The following CLPX variants were observed in gnomAD, a reference collection of about 807,000 sequenced individuals.
The protein encoded by CLPX is ATP-dependent clpX-like chaperone, mitochondrial.
A neutral mutation model predicts 76.4 loss-of-function variants in CLPX; 34 were observed. The ratio of observed to expected loss-of-function variants is 0.45; its 90% CI spans 0.34 to 0.59. The LOEUF is 0.59. Among genes scored for constraint, CLPX ranks in the 20% least tolerant of loss-of-function variants. CLPX has a pLI of 0.01. For missense variants in CLPX, 613 were observed against 757.0 expected (o/e 0.81, Z 2.23); for synonymous variants, 248 against 270.9 (o/e 0.92, Z 0.83).
In CLPX at chr15:65,153,642, A is replaced by G; in HGVS notation, c.1612-3T>C. 6.8e-7 allele frequency: 1 copy of G among 1,476,454 alleles called. No homozygotes were observed. The highest frequency in any genetic ancestry group is 9.2e-7 in the Non-Finnish European group (1 of 1,091,628). 91.5% of individuals were successfully genotyped at this position (1,476,454 alleles called of 1,614,324 possible). A position where few individuals can be genotyped will look rare whatever the true frequency, so the allele number is the denominator to read the frequency against. ...TCCTCAGTAACATTCAGTTCACACT[A>G]CAAATACATTAAAAATAAATTATAA... is the stretch of plus-strand genomic sequence containing the variant. On this transcript the variant is annotated splice_region_variant and splice_polypyrimidine_tract_variant and intron_variant, in intron 11 of 13. Coordinates refer to ENST00000300107, the MANE Select transcript of CLPX (RefSeq NM_006660.5).
rs140294580 is a variant in CLPX at position 65,172,296 on chromosome 15, A to G, written c.359-5511T>C. On this transcript the variant is annotated intron_variant, in intron 3 of 13. Coordinates refer to ENST00000300107, the MANE Select transcript of CLPX (RefSeq NM_006660.5). ...TTTACTCCAAAAACAAGGGGCAAAA[A>G]TCTAATTTTGTTAAGTTACCAGGAG... Among the ~76,000 whole-genome samples the G allele has an allele frequency of 2.6e-4, 39 of 152,304 alleles. No individual in the cohort carries two copies. In the East Asian group the frequency reaches 7.1e-3, roughly 28 times the overall value.
At chr15:65,155,123 A>G in intron 10 of CLPX, 42 bp from the exon 11 acceptor site, 1 of 1,504,810 alleles carries the variant, frequency 6.6e-7, no homozygotes, top group African/African-American at 1.4e-5. Context: ...GTAGAATCAA[A>G]TGATAGTGTA....
chr15:65,174,557 C>T (rs1370002113), intron 3 of CLPX, among the ~76,000 whole-genome samples: 1 of 152,186 alleles, frequency 6.6e-6, no homozygotes, highest in African/African-American at 2.4e-5. Context: ...GCCACCATGC[C>T]GGGCCACAAC....
rs1303196649 is a variant in CLPX, at chr15:65,166,741, C to CA, written c.402dup (p.Val135CysfsTer5). 1.9e-6 allele frequency: 3 copies of CA among 1,612,826 alleles called. No homozygotes were observed. The highest frequency in any genetic ancestry group is 2.5e-6 in the Non-Finnish European group (3 of 1,179,632). ...TTTGAGTCTGCTTCAGATAGCACAACAAAAAAATGATGACACTTTTCACAC... is the reference window on the plus strand; with the variant it reads ...TTTGAGTCTGCTTCAGATAGCACAACAAAAAAAATGATGACACTTTTCACAC... On this transcript the variant is annotated frameshift_variant, in exon 4 of 14. Transcript: ENST00000300107. LOFTEE classifies it high-confidence loss of function.
At chr15:65,179,519 T>C (rs2088135712) in intron 2 of CLPX, among the ~76,000 whole-genome samples, 1 of 152,206 alleles carries the variant, frequency 6.6e-6, no homozygotes, top group African/African-American at 2.4e-5. Flanking sequence ...GTCTAACATA[T>C]AAAATTAACT....
chr15:65,155,886 C>T, intron 9 of CLPX, 30 bp from the exon 10 acceptor site: 1 of 1,554,818 alleles, frequency 6.4e-7, no homozygotes, highest in Non-Finnish European at 8.9e-7. Flanking sequence ...TTTATAGCAT[C>T]ACCATATAAG....
chr15:65,167,286 G>A (rs769450083), intron 3 of CLPX, among the ~76,000 whole-genome samples: 3 of 152,064 alleles, frequency 2.0e-5, no homozygotes, highest in Non-Finnish European at 4.4e-5. Context: ...GGGCAGGATG[G>A]TCTTGATCTC....
rs76218387 is a variant in CLPX, at chr15:65,175,959, A to G, written c.358+2975T>C. Among the ~76,000 whole-genome samples, 874 of 152,326 alleles carry G rather than the reference A, an allele frequency of 5.7e-3. 5 individuals carry two copies. The highest frequency in any genetic ancestry group is 0.014 in the Middle Eastern group (4 of 294). On this transcript the variant is annotated intron_variant, in intron 3 of 13. Coordinates refer to ENST00000300107, the MANE Select transcript of CLPX (RefSeq NM_006660.5). ...CAGGGACAGTGTCATGATCATCTGCATATTTTCTGAGCCTAGTGATGTCTG... is the reference window on the plus strand; with the variant it reads ...CAGGGACAGTGTCATGATCATCTGCGTATTTTCTGAGCCTAGTGATGTCTG...
Position 65,176,024 on chromosome 15 carries a change from GCT to G in CLPX, c.358+2908_358+2909del, listed in dbSNP as rs202031380. On this transcript the variant is annotated intron_variant, in intron 3 of 13. Transcript: ENST00000300107. ...CTATTAATTTTGCACATAAGTGTGT[GCT>G]CTTTTTTTCATTCTTTCCTTCTACA... is the stretch of plus-strand genomic sequence containing the variant. 5.7e-3 allele frequency among the ~76,000 whole-genome samples: 873 copies of G among 152,298 alleles called. 5 individuals carry two copies. Among genetic ancestry groups the G allele is most frequent in the Middle Eastern group, 0.014 (4 of 294 alleles).
At chr15:65,160,623 TCA>T (rs375655324) in intron 6 of CLPX, among the ~76,000 whole-genome samples, 32,829 of 97,404 alleles carry the variant, frequency 0.34, 4,154 homozygotes, top group East Asian at 0.65. Context: ...TCTCTCTCTC[TCA>T]CACACACACA....
At chr15:65,183,759 C>G (rs1451718412) in intron 1 of CLPX, among the ~76,000 whole-genome samples, 1 of 152,172 alleles carries the variant, frequency 6.6e-6, no homozygotes, top group African/African-American at 2.4e-5. Context: ...CCACTGGAAA[C>G]TGTATTATTC....
intron 6 of CLPX, among the ~76,000 whole-genome samples, chr15:65,160,372 C>T (rs568958840): frequency 2.6e-5 from 4 of 152,190 alleles, no homozygotes; most frequent in Admixed American, 2.6e-4. Flanking sequence ...CAATGTTGTG[C>T]CTCATTATAA....
chr15:65,185,290 C>T lies in CLPX; in HGVS notation c.-137G>A, dbSNP rs2088244743. 6.1e-6 allele frequency: 4 copies of T among 660,370 alleles called. No homozygotes were observed. The highest frequency in any genetic ancestry group is 1.0e-5 in the Non-Finnish European group (4 of 383,184). The allele number at this position is 660,370 out of a possible 1,614,324, so 40.9% of individuals were successfully genotyped here. On this transcript the variant is annotated 5_prime_UTR_variant, in exon 1 of 14. Transcript: ENST00000300107. ...AGACCCCGTGGAGAGTTCACCTGCC[C>T]GGCAGCCAGGCCTTCACGCTTCTCT...
In CLPX at chr15:65,154,819, A is replaced by G; in HGVS notation, c.1574T>C (p.Val525Ala). The G allele has an allele frequency of 6.2e-7, 1 of 1,614,110 alleles. No homozygotes were observed. The highest frequency in any genetic ancestry group is 8.5e-7 in the Non-Finnish European group (1 of 1,179,930). ...GAATAAGGCCTGGTACTGAGGAATAACAGCATTTCGTGGCTCAGTTAATAT... is the reference window on the plus strand; with the variant it reads ...GAATAAGGCCTGGTACTGAGGAATAGCAGCATTTCGTGGCTCAGTTAATAT... ...VQILTEPRNA[V>A]IPQYQALFSM... is the part of the protein sequence containing the mutation. The change falls in exon 11 of 14, where the codon GTT (valine) becomes GCT (alanine). Residue 525 changes from valine to alanine, a missense_variant. Physicochemically the swap from Val to Ala is moderately conservative, Grantham distance 64 (BLOSUM62 0). Around this residue, in one of 2 missense-constraint regions of CLPX, gnomAD observed 450 missense variants for 638.6 expected, o/e 0.70. Transcript: ENST00000300107.
chr15:65,180,890 C>T lies in CLPX; in HGVS notation c.80-686G>A, dbSNP rs567597245. 7.4e-5 allele frequency among the ~76,000 whole-genome samples: 10 copies of T among 134,794 alleles called. No individual in the cohort carries two copies. The East Asian group carries it at 1.5e-3, about 21-fold the overall frequency. 88.4% of individuals were successfully genotyped at this position (134,794 alleles called of 152,430 possible). A position where few individuals can be genotyped will look rare whatever the true frequency, so the allele number is the denominator to read the frequency against. On this transcript the variant is annotated intron_variant, in intron 1 of 13. Coordinates refer to ENST00000300107, the MANE Select transcript of CLPX (RefSeq NM_006660.5). The stretch of plus-strand genomic sequence containing the variant: ...CCGCACTCCAGCCTGGGTGACATAG[C>T]GAGACTCCATCTCAAAAAAAAAAAA...
chr15:65,184,079 T>C (rs934480887), intron 1 of CLPX, among the ~76,000 whole-genome samples: 1 of 152,222 alleles, frequency 6.6e-6, no homozygotes, highest in African/African-American at 2.4e-5. Flanking sequence ...AACTGGAAGA[T>C]ATATTTAGTA....
intron 3 of CLPX, among the ~76,000 whole-genome samples, chr15:65,169,428 T>C (rs971254375): frequency 2.0e-5 from 3 of 152,054 alleles, no homozygotes; most frequent in African/African-American, 7.2e-5. Context: ...AACATGGTTA[T>C]AGGATGTTGG....
chr15:65,155,830 T>C lies in CLPX; in HGVS notation c.1173A>G (p.Thr391=). The change falls in exon 10 of 14, where the codon ACA becomes ACG. Residue 391 remains threonine, a synonymous_variant. Transcript: ENST00000300107. ...AATTCTTTTCTGGAACATTGACTAT[T>C]GTGCCTTCTAGTAGTTTTAATAAGC... ...QQGLLKLLEG[T]IVNVPEKNSR... The C allele has an allele frequency of 6.2e-7, 1 of 1,613,962 alleles. No individual in the cohort carries two copies. The highest frequency in any genetic ancestry group is 8.5e-7 in the Non-Finnish European group (1 of 1,179,842).
At chr15:65,155,503 C>G (rs879324440) in intron 10 of CLPX, among the ~76,000 whole-genome samples, 189 bp downstream of exon 10, 7 of 152,196 alleles carry the variant, frequency 4.6e-5, no homozygotes, top group African/African-American at 1.7e-4. Context: ...CCACCTTGGC[C>G]TCCCAAAGAA....
Sources: allele counts gnomAD v4.1 joint callset (sites outside exome capture counted in the v4.1 genomes callset), GRCh38; gene constraint gnomAD v4.1.1; regional missense constraint gnomAD v4.1.1; transcripts MANE v1.5; gene names NCBI Gene and HGNC (gene_info 2026-07-23, HGNC 2026-07-21).